The following CTNND2 variants were observed in gnomAD, a reference collection of about 807,000 sequenced individuals.
CTNND2 encodes catenin delta 2.
A neutral mutation model predicts 144.4 loss-of-function variants in CTNND2; 22 were observed. That is an observed-to-expected ratio of 0.15 (90% CI 0.11 to 0.22). CTNND2 has a LOEUF of 0.22. Ranked by LOEUF, CTNND2 falls within the 10% of genes least tolerant of loss-of-function variation. The pLI is 1.00. For synonymous variants in CTNND2, 751 were observed against 695.6 expected, an observed-to-expected ratio of 1.08 and a Z score of -1.25; for missense variants, 1,353 against 1,618.8, an observed-to-expected ratio of 0.84 and a Z score of 2.82.
At chr5:11,357,171 C>G (rs746062402) in intron 8 of CTNND2, among the ~76,000 whole-genome samples, 21 of 152,026 alleles carry the variant, frequency 1.4e-4, no homozygotes, top group Non-Finnish European at 2.8e-4. Flanking sequence ...CAATCTCACT[C>G]CTAGGTATAT....
intron 1 of CTNND2, among the ~76,000 whole-genome samples, chr5:11,739,182 T>G (rs552392947): frequency 2.4e-4 from 36 of 152,270 alleles, no homozygotes; most frequent in South Asian, 1.4e-3. Context: ...ATAGCCCAAG[T>G]CTATGCCCAG....
intron 9 of CTNND2, among the ~76,000 whole-genome samples, chr5:11,316,460 C>T (rs1056428015): frequency 2.4e-5 from 3 of 124,736 alleles, no homozygotes; most frequent in South Asian, 5.5e-4. Flanking sequence ...TACTCTTATC[C>T]ACTATTTTTT....
At chr5:11,622,568 T>C (rs1386302015) in intron 2 of CTNND2, among the ~76,000 whole-genome samples, 2 of 152,132 alleles carry the variant, frequency 1.3e-5, no homozygotes, top group South Asian at 2.1e-4. Flanking sequence ...AAAGGTGCAA[T>C]TGATTGAACT....
At chr5:11,672,852 G>C (rs941378254) in intron 2 of CTNND2, among the ~76,000 whole-genome samples, 2 of 152,138 alleles carry the variant, frequency 1.3e-5, no homozygotes, top group Non-Finnish European at 2.9e-5. Context: ...CCCTTGGCTA[G>C]AGAAGGGAAA....
At chr5:11,292,577 GT>G (rs1288618189) in intron 9 of CTNND2, among the ~76,000 whole-genome samples, 1 of 152,104 alleles carries the variant, frequency 6.6e-6, no homozygotes, top group Non-Finnish European at 1.5e-5. Context: ...GTGTTTGACA[GT>G]TCCTCCTTCA....
intron 2 of CTNND2, among the ~76,000 whole-genome samples, chr5:11,609,898 A>G (rs1034190914): frequency 2.0e-5 from 3 of 152,148 alleles, no homozygotes; most frequent in African/African-American, 7.2e-5. Context: ...ACCTTTTACC[A>G]TTATAGTTTG....
At chr5:11,726,153 T>C (rs1035548738) in intron 2 of CTNND2, among the ~76,000 whole-genome samples, 10 of 152,178 alleles carry the variant, frequency 6.6e-5, no homozygotes, top group Admixed American at 5.2e-4. Context: ...ATGATTAATG[T>C]ACAAGGAAGT....
chr5:11,275,473 G>A (rs982636244), intron 9 of CTNND2, among the ~76,000 whole-genome samples: 3 of 152,212 alleles, frequency 2.0e-5, no homozygotes, highest in South Asian at 2.1e-4. Flanking sequence ...ATTCTGCCCC[G>A]TGGATTCCCA....
intron 9 of CTNND2, among the ~76,000 whole-genome samples, chr5:11,240,398 C>CACACACACTCAAA (rs1742181375): frequency 7.4e-6 from 1 of 135,376 alleles, no homozygotes; most frequent in Non-Finnish European, 1.6e-5. Context: ...ACACACCCAA[C>CACACACACTCAAA]ACACACACCC....
chr5:11,027,674 A>T lies in CTNND2; in HGVS notation c.2789-4695T>A, dbSNP rs1743000502. 1.3e-5 allele frequency among the ~76,000 whole-genome samples: 2 copies of T among 152,232 alleles called. 1 individual carries two copies. Among genetic ancestry groups the T allele is most frequent in the African/African-American group, 4.8e-5 (2 of 41,534 alleles). The stretch of plus-strand genomic sequence containing the variant: ...TGTATTTGGTGAACCAGTTTTCTAA[A>T]TCCAGATTTTCTTGAAAAACTGCAA... On this transcript the variant is annotated intron_variant, in intron 16 of 21. Transcript: ENST00000304623.
chr5:11,053,195 C>A (rs954185484), intron 16 of CTNND2, among the ~76,000 whole-genome samples: 14 of 152,142 alleles, frequency 9.2e-5, no homozygotes, highest in Non-Finnish European at 2.9e-5. Context: ...TTTCTCTTTT[C>A]TTTTCTAATA....
chr5:11,740,715 A>T (rs1199384964), intron 1 of CTNND2, among the ~76,000 whole-genome samples: 1 of 152,184 alleles, frequency 6.6e-6, no homozygotes, highest in African/African-American at 2.4e-5. Context: ...TAAAGAGCTT[A>T]TGCATAGCAA....
chr5:11,239,536 G>T (rs548568270), intron 9 of CTNND2, among the ~76,000 whole-genome samples: 1 of 152,244 alleles, frequency 6.6e-6, no homozygotes, highest in African/African-American at 2.4e-5. Context: ...CCCACCTGAG[G>T]CATTTAAATA....
intron 10 of CTNND2, among the ~76,000 whole-genome samples, chr5:11,214,826 T>A (rs1274599041): frequency 6.6e-6 from 1 of 152,150 alleles, no homozygotes; most frequent in African/African-American, 2.4e-5. Context: ...CATGCAGGTG[T>A]CCCCTAAACC....
At chr5:11,172,803 T>C (rs892030441) in intron 11 of CTNND2, among the ~76,000 whole-genome samples, 1 of 152,104 alleles carries the variant, frequency 6.6e-6, no homozygotes, top group East Asian at 1.9e-4. Context: ...AACGTCCTCC[T>C]TGGAAATAAA....
At chr5:11,336,085 C>T (rs991457110) in intron 9 of CTNND2, among the ~76,000 whole-genome samples, 3 of 152,162 alleles carry the variant, frequency 2.0e-5, no homozygotes, top group African/African-American at 7.2e-5. Flanking sequence ...TGGGAAACCT[C>T]TAGAGGGTAT....
At chr5:11,808,648 G>A (rs151084534) in intron 1 of CTNND2, among the ~76,000 whole-genome samples, 1 of 152,196 alleles carries the variant, frequency 6.6e-6, no homozygotes, top group Non-Finnish European at 1.5e-5. Context: ...TCCTGCATCT[G>A]CTTTCTTTCT....
intron 8 of CTNND2, among the ~76,000 whole-genome samples, chr5:11,358,702 G>A (rs912885778): frequency 1.3e-5 from 2 of 151,948 alleles, no homozygotes; most frequent in South Asian, 2.1e-4. Context: ...TCCCTCTATC[G>A]CTTCATTAAA....
intron 1 of CTNND2, among the ~76,000 whole-genome samples, chr5:11,880,210 C>T (rs1019395965): frequency 1.3e-5 from 2 of 152,042 alleles, no homozygotes; most frequent in African/African-American, 2.4e-5. Context: ...GTAAGAGGGG[C>T]CCAGAAATTT....
Sources: allele counts gnomAD v4.1 joint callset (sites outside exome capture counted in the v4.1 genomes callset), GRCh38; gene constraint gnomAD v4.1.1; transcripts MANE v1.5; gene names NCBI Gene and HGNC (gene_info 2026-07-23, HGNC 2026-07-21).